Variants in TMCC3 observed in about 807,000 individuals in gnomAD.
The protein encoded by TMCC3 is transmembrane and coiled-coil domain family 3, also known as transmembrane and coiled-coil domain protein 3.
In TMCC3, 28 loss-of-function variants were observed where a neutral mutation model predicts 40.2. That is an observed-to-expected ratio of 0.70 (90% CI 0.52 to 0.95). The LOEUF (loss-of-function observed/expected upper bound fraction) is 0.95, where lower values mean the gene tolerates loss of function less well. Ranked by LOEUF, TMCC3 falls within the 40% of genes least tolerant of loss-of-function variation. TMCC3 has a pLI of 0.00. For synonymous variants in TMCC3, 255 were observed against 248.5 expected, an observed-to-expected ratio of 1.03 and a Z score of -0.25; for missense variants, 554 against 615.2, an observed-to-expected ratio of 0.90 and a Z score of 1.05.
chr12:94,590,171 C>T (rs2068664384), intron 1 of TMCC3, among the ~76,000 whole-genome samples: 1 of 149,662 alleles, frequency 6.7e-6, no homozygotes, highest in East Asian at 2.0e-4. Flanking sequence ...TCGCGATCTC[C>T]GCTCACTGCA....
intron 1 of TMCC3, among the ~76,000 whole-genome samples, chr12:94,644,079 T>C (rs2069005082): frequency 6.6e-6 from 1 of 152,212 alleles, no homozygotes; most frequent in African/African-American, 2.4e-5. Context: ...TCACCTATGT[T>C]CTTTTTACCT....
At chr12:94,599,570 C>CACACA (rs1555283534) in intron 1 of TMCC3, among the ~76,000 whole-genome samples, 6 of 146,248 alleles carry the variant, frequency 4.1e-5, no homozygotes, top group Non-Finnish European at 7.6e-5. Context: ...CCCCCCCCGC[C>CACACA]CACACACACA....
rs1195309891 is a variant in TMCC3 at position 94,569,976 on chromosome 12, G to A, written c.*1459C>T. On this transcript the variant is annotated 3_prime_UTR_variant, in exon 4 of 4. Transcript: ENST00000261226. The stretch of plus-strand genomic sequence containing the variant: ...TACACACAGAGACACAGATTTAAAG[G>A]AAAGTATCATCTGGGCTGAAGGCGG... 1.3e-5 allele frequency: 2 copies of A among 152,278 alleles called. No individual in the cohort carries two copies. Among genetic ancestry groups the A allele is most frequent in the Non-Finnish European group, 2.9e-5 (2 of 68,018 alleles). 9.4% of individuals were successfully genotyped at this position (152,278 alleles called of 1,614,324 possible).
intron 1 of TMCC3, among the ~76,000 whole-genome samples, chr12:94,622,865 C>T (rs2068883338): frequency 6.6e-6 from 1 of 151,780 alleles, no homozygotes; most frequent in African/African-American, 2.4e-5. Context: ...CCAAAAAAAC[C>T]TCAACACTTC....
chr12:94,624,578 G>A (rs1287272941), intron 1 of TMCC3, among the ~76,000 whole-genome samples: 1 of 152,018 alleles, frequency 6.6e-6, no homozygotes, highest in Non-Finnish European at 1.5e-5. Context: ...GCCAGGCGTG[G>A]TGGCGTACGC....
rs113932429 is a variant in TMCC3 at position 94,590,064 on chromosome 12, A to G, written c.79-7526T>C. 7.5e-5 allele frequency among the ~76,000 whole-genome samples: 3 copies of G among 40,078 alleles called. No homozygotes were observed. The Admixed American group carries it at 8.1e-4, about 11-fold the overall frequency. 26.3% of individuals were successfully genotyped at this position (40,078 alleles called of 152,430 possible). The stretch of plus-strand genomic sequence containing the variant: ...TGTAACTTTGTGTCCACAGCTCTGG[A>G]GCCACATCAGTCAGGTCTGATATAG... On this transcript the variant is annotated intron_variant, in intron 1 of 3. Transcript: ENST00000261226.
intron 1 of TMCC3, among the ~76,000 whole-genome samples, chr12:94,650,005 C>A (rs1029831373): frequency 6.6e-6 from 1 of 152,182 alleles, no homozygotes. Context: ...AGACGCGGGG[C>A]CGCGGGTGGC....
At chr12:94,622,142 C>T (rs1346179222) in intron 1 of TMCC3, among the ~76,000 whole-genome samples, 4 of 152,280 alleles carry the variant, frequency 2.6e-5, no homozygotes, top group African/African-American at 9.6e-5. Context: ...TTGGTTATGG[C>T]AACAGCCTGC....
chr12:94,593,337 A>T (rs2068690524), intron 1 of TMCC3, among the ~76,000 whole-genome samples: 1 of 148,170 alleles, frequency 6.7e-6, no homozygotes. Flanking sequence ...ACTGCATTCA[A>T]GCCTGGACAA....
In TMCC3 at chr12:94,574,664, C is replaced by G. The variant is rs112705876; in HGVS notation, c.1132-2927G>C. On this transcript the variant is annotated intron_variant, in intron 3 of 3. Transcript: ENST00000261226. ...AACTTCTATTATACTAGGCTACCAACGAAAAGGATAAAACTTCTTCAGATC... is the reference window on the plus strand; with the variant it reads ...AACTTCTATTATACTAGGCTACCAAGGAAAAGGATAAAACTTCTTCAGATC... Among the ~76,000 whole-genome samples the G allele has an allele frequency of 5.9e-5, 9 of 152,176 alleles. No individual in the cohort carries two copies. The East Asian group carries it at 1.2e-3, about 20-fold the overall frequency.
intron 1 of TMCC3, among the ~76,000 whole-genome samples, chr12:94,626,690 C>T (rs11107627): frequency 0.27 from 41,442 of 151,996 alleles, 5,875 homozygotes; most frequent in East Asian, 0.33. Flanking sequence ...AAGGATGCCA[C>T]GGCTCATGCA....
At chr12:94,577,519 C>G (rs1310536528) in intron 3 of TMCC3, among the ~76,000 whole-genome samples, 2 of 152,174 alleles carry the variant, frequency 1.3e-5, no homozygotes, top group Non-Finnish European at 2.9e-5. Context: ...AGGCTCAAGT[C>G]TTACTCAGGG....
chr12:94,635,703 T>C (rs1038590552), intron 1 of TMCC3, among the ~76,000 whole-genome samples: 32 of 148,590 alleles, frequency 2.2e-4, no homozygotes, highest in African/African-American at 7.0e-4. Context: ...TCTGGCTCTG[T>C]TGCCCAGGCT....
Position 94,631,615 on chromosome 12 carries a change from A to G in TMCC3, c.78+18738T>C, listed in dbSNP as rs145899403. Among the ~76,000 whole-genome samples the G allele has an allele frequency of 4.8e-3, 724 of 152,320 alleles. 3 individuals carry two copies. The highest frequency in any genetic ancestry group is 0.016 in the African/African-American group (670 of 41,572). On this transcript the variant is annotated intron_variant, in intron 1 of 3. Transcript: ENST00000261226. ...CTTCCAGCCTCCAGAACTGCATGAA[A>G]ATAAATGTATTGTTTAAGCTACCCA... is the stretch of plus-strand genomic sequence containing the variant.
chr12:94,601,236 C>T (rs1338073720), intron 1 of TMCC3, among the ~76,000 whole-genome samples: 15 of 152,068 alleles, frequency 9.9e-5, no homozygotes, highest in African/African-American at 1.7e-4. Context: ...GTGCCCTGGC[C>T]GGGCGCGGTG....
chr12:94,629,903 T>G (rs1260965616), intron 1 of TMCC3, among the ~76,000 whole-genome samples: 1 of 152,232 alleles, frequency 6.6e-6, no homozygotes, highest in Non-Finnish European at 1.5e-5. Context: ...CTGTTTAAAT[T>G]TATTTTAAAT....
intron 1 of TMCC3, among the ~76,000 whole-genome samples, chr12:94,614,279 C>T (rs940496249): frequency 1.4e-4 from 21 of 152,050 alleles, no homozygotes; most frequent in Non-Finnish European, 1.3e-4. Context: ...TAAATTGTGA[C>T]CTGGTCTCAA....
chr12:94,572,433 C>A (rs1412985604), intron 3 of TMCC3, among the ~76,000 whole-genome samples: 1 of 151,454 alleles, frequency 6.6e-6, no homozygotes, highest in Non-Finnish European at 1.5e-5. Flanking sequence ...GCCTCAGCCT[C>A]CTGAGTAGCT....
chr12:94,584,378 C>T (rs1260576564), intron 1 of TMCC3, among the ~76,000 whole-genome samples: 1 of 152,102 alleles, frequency 6.6e-6, no homozygotes, highest in Non-Finnish European at 1.5e-5. Context: ...CTCCCCAGAA[C>T]CAGAGGAAGC....
Sources: allele counts gnomAD v4.1 joint callset (sites outside exome capture counted in the v4.1 genomes callset), GRCh38; gene constraint gnomAD v4.1.1; transcripts MANE v1.5; gene names NCBI Gene and HGNC (gene_info 2026-07-23, HGNC 2026-07-21).